LRSAM1: variants seen among roughly 807,000 people sequenced by gnomAD.
LRSAM1 encodes E3 ubiquitin-protein ligase LRSAM1.
LRSAM1 carries 96 observed loss-of-function variants against 118.1 expected under a neutral mutation model. That is an observed-to-expected ratio of 0.81 (90% confidence interval 0.69 to 0.96). The LOEUF (loss-of-function observed/expected upper bound fraction) is 0.96, where lower values mean the gene tolerates loss of function less well. LRSAM1 is among the 40% of genes least tolerant of loss of function. The pLI is 0.00. For missense variants in LRSAM1, 804 were observed against 915.5 expected (o/e 0.88, Z 1.57); for synonymous variants, 322 against 364.2 (o/e 0.88, Z 1.32).
chr9:127,456,123 G>A (rs1257701178), intron 5 of LRSAM1, among the ~76,000 whole-genome samples: 2 of 147,994 alleles, frequency 1.4e-5, no homozygotes, highest in African/African-American at 2.5e-5. Flanking sequence ...ATGCAGATGG[G>A]TAGAAGCGCT....
Position 127,502,779 on chromosome 9 carries a change from G to C in LRSAM1, c.2052G>C (p.Gln684His), listed in dbSNP as rs910272954. 3 of 1,611,376 alleles carry C rather than the reference G, an allele frequency of 1.9e-6. No individual in the cohort carries two copies. Among genetic ancestry groups the C allele is most frequent in the Admixed American group, 1.7e-5 (1 of 59,938 alleles). Residue 684 changes from glutamine (Q) to histidine (H), a missense_variant, in exon 26 of 26, where the codon CAG (glutamine) becomes CAC (histidine). Gln to His is a conservative substitution (Grantham distance 24). Coordinates refer to ENST00000300417, the MANE Select transcript of LRSAM1 (RefSeq NM_001005373.4). The stretch of plus-strand genomic sequence containing the variant: ...CTCCCGCTCTCCCTCCCCAGGCCCA[G>C]ATGATCTTCCTCAACTGTGGCCACG... ...ECVVCLEREA[Q>H]MIFLNCGHVC...
intron 25 of LRSAM1, among the ~76,000 whole-genome samples, chr9:127,501,378 G>GA (rs1254797452): frequency 6.6e-6 from 1 of 151,858 alleles, no homozygotes. Flanking sequence ...AATACATTAG[G>GA]AAAAAATTTC....
intron 24 of LRSAM1, among the ~76,000 whole-genome samples, chr9:127,500,162 A>G (rs1588141993): frequency 6.6e-6 from 1 of 151,322 alleles, no homozygotes; most frequent in Non-Finnish European, 1.5e-5. Context: ...AAAGCTTGAG[A>G]CCAGCCTGGC....
At chr9:127,478,179 C>T (rs1046830028) in intron 11 of LRSAM1, among the ~76,000 whole-genome samples, 1 of 152,026 alleles carries the variant, frequency 6.6e-6, no homozygotes, top group Non-Finnish European at 1.5e-5. Context: ...TTAATACCTG[C>T]TCCTTGTTAT....
chr9:127,460,480 C>G (rs571998564), intron 7 of LRSAM1, among the ~76,000 whole-genome samples: 17 of 152,340 alleles, frequency 1.1e-4, no homozygotes, highest in Admixed American at 2.6e-4. Context: ...TCCTTAAGGC[C>G]AGGGGAACTA....
At position 127,491,392 on chromosome 9, in the gene LRSAM1, A is replaced by G. The variant is rs115087590; in HGVS notation, c.1503+97A>G. The G allele has an allele frequency of 6.7e-4, 614 of 913,158 alleles. 5 individuals carry two copies. In the African/African-American group the frequency reaches 8.9e-3, roughly 13 times the overall value. The allele number at this position is 913,158 out of a possible 1,614,324, so 56.6% of individuals were successfully genotyped here. A position where few individuals can be genotyped will look rare whatever the true frequency, so the allele number is the denominator to read the frequency against. ...TGGCAGCTGCTCACCAGCCCCTGGG[A>G]GTCAAGGGCTTCCCCAGCAGACAGA... On this transcript the variant is annotated intron_variant, in intron 20 of 25. Transcript: ENST00000300417.
chr9:127,461,875 A>G (rs915518938), intron 8 of LRSAM1, among the ~76,000 whole-genome samples: 2 of 152,198 alleles, frequency 1.3e-5, no homozygotes, highest in African/African-American at 4.8e-5. Flanking sequence ...ACTGTAACAT[A>G]TGAGTAATGA....
At position 127,478,854 on chromosome 9, in the gene LRSAM1, A is replaced by AC; in HGVS notation, c.751-77dup. ...GCCAGAGTTTGTATAACATCAGGCC[A>AC]CCCGGGGGTTCCTGGTGCCCATGCC... On this transcript the variant is annotated intron_variant, in intron 11 of 25. Coordinates refer to ENST00000300417, the MANE Select transcript of LRSAM1 (RefSeq NM_001005373.4). The AC allele has an allele frequency of 2.1e-6, 3 of 1,428,544 alleles. No individual in the cohort carries two copies. The South Asian group carries it at 3.4e-5, about 16-fold the overall frequency. The allele number at this position is 1,428,544 out of a possible 1,614,324, so 88.5% of individuals were successfully genotyped here.
At chr9:127,460,530 G>A (rs1834696050) in intron 7 of LRSAM1, among the ~76,000 whole-genome samples, 2 of 152,236 alleles carry the variant, frequency 1.3e-5, no homozygotes, top group Admixed American at 1.3e-4. Context: ...CAAGTCTGTA[G>A]TCCCCTTCTC....
chr9:127,473,522 A>G (rs543438561), intron 10 of LRSAM1, among the ~76,000 whole-genome samples: 1 of 152,232 alleles, frequency 6.6e-6, no homozygotes, highest in Non-Finnish European at 1.5e-5. Context: ...TTCACTGCTT[A>G]TCTCAGGCTT....
intron 8 of LRSAM1, 149 bp from the exon 9 acceptor site, chr9:127,462,103 C>T (rs1588100458): frequency 9.1e-7 from 1 of 1,096,830 alleles, no homozygotes; most frequent in East Asian, 2.6e-5. Flanking sequence ...GGGACTTGAA[C>T]TGGAACTCCA....
intron 17 of LRSAM1, chr9:127,486,256 T>C (rs1835727023): frequency 3.1e-6 from 1 of 319,416 alleles, no homozygotes; most frequent in Admixed American, 4.3e-5. Context: ...GGGTGTGCTC[T>C]TGACTGTGGT....
intron 11 of LRSAM1, among the ~76,000 whole-genome samples, chr9:127,474,147 C>A (rs1479698179): frequency 6.6e-6 from 1 of 152,198 alleles, no homozygotes; most frequent in Non-Finnish European, 1.5e-5. Flanking sequence ...ACAAGCTGTG[C>A]CCTGCTGCTG....
Position 127,465,637 on chromosome 9 carries a change from G to A in LRSAM1, c.529-2103G>A, listed in dbSNP as rs117606713. Among the ~76,000 whole-genome samples the A allele has an allele frequency of 4.6e-5, 7 of 152,308 alleles. No individual in the cohort carries two copies. The highest frequency in any genetic ancestry group is 1.0e-4 in the Non-Finnish European group (7 of 68,026). On this transcript the variant is annotated intron_variant, in intron 9 of 25. Coordinates refer to ENST00000300417, the MANE Select transcript of LRSAM1 (RefSeq NM_001005373.4). This position sits in a 1 kb window ranked among gnomAD's most constrained non-coding sequence, Gnocchi z 4.1. The stretch of plus-strand genomic sequence containing the variant: ...AAAGCACGTTCACTCAACACCCACC[G>A]TGTGAGGGCTGGGCTGGCCAGGGCT...
At position 127,496,421 on chromosome 9, in the gene LRSAM1, C is replaced by T. The variant is rs1435171543; in HGVS notation, c.1830+326C>T. ...CCTGCCTCATGGTGTCACAAACTGT[C>T]GTGGCCACAGCACTGCCTGAGCCCC... On this transcript the variant is annotated intron_variant, in intron 23 of 25. Coordinates refer to ENST00000300417, the MANE Select transcript of LRSAM1 (RefSeq NM_001005373.4). 2.6e-5 allele frequency among the ~76,000 whole-genome samples: 4 copies of T among 152,288 alleles called. No individual in the cohort carries two copies. The East Asian group carries it at 7.7e-4, about 29-fold the overall frequency.
In LRSAM1 at chr9:127,480,473, GA is replaced by G. The variant is rs562256621; in HGVS notation, c.1043+496del. Among the ~76,000 whole-genome samples, 3 of 152,292 alleles carry G rather than the reference GA, an allele frequency of 2.0e-5. No homozygotes were observed. The South Asian group carries it at 6.2e-4, about 32-fold the overall frequency. On this transcript the variant is annotated intron_variant, in intron 14 of 25. Coordinates refer to ENST00000300417, the MANE Select transcript of LRSAM1 (RefSeq NM_001005373.4). ...AGTCTAGTGAGGGGGCCCATTGCAG[GA>G]TGATTCCAGAAACAGGCTCCAGCCA... is the stretch of plus-strand genomic sequence containing the variant.
At chr9:127,469,354 C>G (rs1228235759) in intron 10 of LRSAM1, among the ~76,000 whole-genome samples, 2 of 152,006 alleles carry the variant, frequency 1.3e-5, no homozygotes, top group Non-Finnish European at 2.9e-5. Context: ...CCTGTAATCC[C>G]AGCTACTCAG....
chr9:127,491,005 A>C (rs1159833487), intron 19 of LRSAM1, among the ~76,000 whole-genome samples: 1 of 63,600 alleles, frequency 1.6e-5, no homozygotes, highest in South Asian at 5.7e-4. Flanking sequence ...AAGCACGTCC[A>C]TGCCCCAGGA....
At chr9:127,466,504 ATTTTTTT>A (rs869115663) in intron 9 of LRSAM1, among the ~76,000 whole-genome samples, 12 of 24,506 alleles carry the variant, frequency 4.9e-4, no homozygotes, top group African/African-American at 1.8e-3. Context: ...ATATATATAT[ATTTTTTT>A]TTTTTTTTTT....
Sources: gnomAD v4.1 joint callset for allele counts (sites outside exome capture counted in the v4.1 genomes callset) on GRCh38, gnomAD v4.1.1 for gene constraint, Gnocchi (gnomAD v3.1) non-coding constraint, MANE v1.5 for transcripts, NCBI Gene and HGNC (gene_info 2026-07-23, HGNC 2026-07-21) for gene names.